Variants in MARK3 observed in about 807,000 individuals in gnomAD.
MARK3 encodes the protein microtubule affinity regulating kinase 3, also known as MAP/microtubule affinity-regulating kinase 3.
In MARK3, 46 loss-of-function variants were observed where a neutral mutation model predicts 90.1. That is an observed-to-expected ratio of 0.51 (90% CI 0.40 to 0.65). The LOEUF (loss-of-function observed/expected upper bound fraction) is 0.65. Ranked by LOEUF, MARK3 falls within the 30% of genes least tolerant of loss-of-function variation. MARK3 has a pLI of 0.00. For synonymous variants in MARK3, 321 were observed against 332.6 expected (o/e 0.97, Z 0.38); for missense variants, 818 against 947.2 (o/e 0.86, Z 1.79).
chr14:103,466,021 T>C lies in MARK3; in HGVS notation c.827T>C (p.Met276Thr). 6.2e-7 allele frequency: 1 copy of C among 1,613,980 alleles called. No homozygotes were observed. Among genetic ancestry groups the C allele is most frequent in the Non-Finnish European group, 8.5e-7 (1 of 1,179,884 alleles). Residue 276 changes from methionine to threonine, a missense_variant, in exon 9 of 18, where the codon ATG (methionine) becomes ACG (threonine). Met to Thr is a moderately conservative substitution (Grantham distance 81). Transcript: ENST00000429436. ...LRGKYRIPFY[M>T]STDCENLLKR... ...GGGAAATACAGAATTCCCTTCTACA[T>C]GTCTACAGACTGTGAAAACCTTCTC...
intron 6 of MARK3, 124 bp downstream of exon 6, chr14:103,457,336 C>T (rs45593637): frequency 1.3e-4 from 85 of 645,486 alleles, no homozygotes; most frequent in Non-Finnish European, 1.9e-4. Flanking sequence ...GTTGGCCATT[C>T]AATTCAACAA....
At chr14:103,464,372 C>T (rs1225139140) in intron 7 of MARK3, among the ~76,000 whole-genome samples, 1 of 136,198 alleles carries the variant, frequency 7.3e-6, no homozygotes, top group Non-Finnish European at 1.5e-5. Flanking sequence ...GATCTCTGCT[C>T]ACTGCAACCT....
At chr14:103,491,719 G>A (rs751652519) in intron 14 of MARK3, 58 bp from the exon 15 acceptor site, 23 of 1,571,090 alleles carry the variant, frequency 1.5e-5, no homozygotes, top group Non-Finnish European at 2.0e-5. Context: ...AAGGTATATT[G>A]TGACTGTAAA....
chr14:103,402,094 T>C (rs1429717185), intron 1 of MARK3, among the ~76,000 whole-genome samples: 1 of 152,200 alleles, frequency 6.6e-6, no homozygotes, highest in Admixed American at 6.5e-5. Context: ...TACCATGTGT[T>C]AGGCACTGTT....
intron 5 of MARK3, among the ~76,000 whole-genome samples, chr14:103,456,429 C>T (rs1304356638): frequency 6.6e-6 from 1 of 152,216 alleles, no homozygotes; most frequent in African/African-American, 2.4e-5. Context: ...CCCTCATTCA[C>T]ACTTCTCCAG....
At chr14:103,408,380 G>A (rs781474027) in intron 2 of MARK3, among the ~76,000 whole-genome samples, 10 of 152,032 alleles carry the variant, frequency 6.6e-5, no homozygotes, top group Non-Finnish European at 1.3e-4. Context: ...GTAGAGAGGG[G>A]GTTTCACCAT....
chr14:103,470,133 G>A (rs1051712331), intron 12 of MARK3, among the ~76,000 whole-genome samples: 1 of 152,002 alleles, frequency 6.6e-6, no homozygotes, highest in African/African-American at 2.4e-5. Flanking sequence ...ATAATAGACA[G>A]GACAGCCCTG....
At chr14:103,489,162 A>G (rs1270760204) in intron 14 of MARK3, among the ~76,000 whole-genome samples, 2 of 152,242 alleles carry the variant, frequency 1.3e-5, no homozygotes, top group African/African-American at 4.8e-5. Flanking sequence ...CTTCATAGAG[A>G]TGACGACATC....
In MARK3 at chr14:103,451,056, G is replaced by A. The variant is rs563783723; in HGVS notation, c.347-862G>A. ...GGCCATTCTCCCACCTCAGCCTCCC[G>A]AGTAGCTGGGACTACAGGTGCATGC... On this transcript the variant is annotated intron_variant, in intron 4 of 17. Transcript: ENST00000429436. Among the ~76,000 whole-genome samples, 21 of 148,538 alleles carry A rather than the reference G, an allele frequency of 1.4e-4. No homozygotes were observed. In the East Asian group the frequency reaches 1.6e-3, roughly 11 times the overall value.
chr14:103,435,956 T>C (rs2092706033), intron 3 of MARK3, among the ~76,000 whole-genome samples: 1 of 151,974 alleles, frequency 6.6e-6, no homozygotes, highest in South Asian at 2.1e-4. Flanking sequence ...AGTGGTGCCA[T>C]CTCGGCTCAC....
intron 1 of MARK3, among the ~76,000 whole-genome samples, chr14:103,391,684 C>T (rs1261529814): frequency 3.4e-5 from 5 of 145,362 alleles, no homozygotes; most frequent in South Asian, 2.2e-4. Flanking sequence ...GCTGGGATTA[C>T]AGGCTCCCGC....
chr14:103,426,891 TAAAA>T (rs59517015), intron 2 of MARK3, among the ~76,000 whole-genome samples: 34,594 of 149,256 alleles, frequency 0.23, 4,831 homozygotes, highest in Middle Eastern at 0.34. Context: ...CTTTTCTATT[TAAAA>T]AAAAAAAAAA....
At chr14:103,466,806 G>A (rs1043561639) in intron 10 of MARK3, among the ~76,000 whole-genome samples, 2 of 151,840 alleles carry the variant, frequency 1.3e-5, no homozygotes, top group African/African-American at 4.8e-5. Flanking sequence ...GGAGGTCGAG[G>A]CCAGCCTGAC....
intron 5 of MARK3, 58 bp from the exon 6 acceptor site, chr14:103,457,084 G>A (rs74866951): frequency 0.047 from 48,041 of 1,032,652 alleles, 1,512 homozygotes; most frequent in African/African-American, 0.12. Flanking sequence ...ATCAATTTAT[G>A]GGAAAATTAA....
intron 3 of MARK3, among the ~76,000 whole-genome samples, chr14:103,429,529 G>A (rs2092516013): frequency 6.6e-6 from 1 of 152,146 alleles, no homozygotes; most frequent in Non-Finnish European, 1.5e-5. Context: ...CCCTGTCCCT[G>A]TTTTGTGTTT....
chr14:103,394,517 A>G (rs931843671), intron 1 of MARK3, among the ~76,000 whole-genome samples: 17 of 152,114 alleles, frequency 1.1e-4, no homozygotes, highest in Non-Finnish European at 2.2e-4. Flanking sequence ...CTGCTCAACT[A>G]TGGTTGGTCT....
chr14:103,399,046 G>T (rs1287551956), intron 1 of MARK3, among the ~76,000 whole-genome samples: 8 of 152,202 alleles, frequency 5.3e-5, no homozygotes, highest in Non-Finnish European at 8.8e-5. Flanking sequence ...TGGGAGGTAC[G>T]TAAGTAGGCC....
Position 103,491,635 on chromosome 14 carries a change from CT to C in MARK3, c.1587-138del, listed in dbSNP as rs959231769. On this transcript the variant is annotated intron_variant, in intron 14 of 17. Coordinates refer to ENST00000429436, the MANE Select transcript of MARK3 (RefSeq NM_001128918.3). ...TGGTACCCTTTCCCACTTAACTTAC[CT>C]TTTGCTCCTAAGTCCTATAAAATAC... 22 of 781,914 alleles carry C rather than the reference CT, an allele frequency of 2.8e-5. No homozygotes were observed. The African/African-American group carries it at 3.5e-4, about 12-fold the overall frequency. The allele number at this position is 781,914 out of a possible 1,614,324, so 48.4% of individuals were successfully genotyped here.
At chr14:103,395,311 C>G (rs563878502) in intron 1 of MARK3, among the ~76,000 whole-genome samples, 5 of 151,476 alleles carry the variant, frequency 3.3e-5, no homozygotes, top group African/African-American at 1.2e-4. Flanking sequence ...TGGACAAATT[C>G]ACTCGGCTGT....
Sources: allele counts gnomAD v4.1 joint callset (sites outside exome capture counted in the v4.1 genomes callset), GRCh38; gene constraint gnomAD v4.1.1; transcripts MANE v1.5; gene names NCBI Gene and HGNC (gene_info 2026-07-23, HGNC 2026-07-21).